Variants in COL27A1 observed in about 807,000 individuals in gnomAD.
The protein encoded by COL27A1 is collagen type XXVII alpha 1 chain, also known as collagen alpha-1(XXVII) chain.
Under a neutral mutation model 251.3 loss-of-function variants are expected in COL27A1, and 106 were observed. The ratio of observed to expected loss-of-function variants is 0.42; its 90% confidence interval spans 0.36 to 0.50. The LOEUF is 0.50. Ranked by LOEUF, COL27A1 falls within the 20% of genes least tolerant of loss-of-function variation. The pLI is 0.00. For synonymous variants in COL27A1, 1,000 were observed against 986.3 expected (o/e 1.01, Z -0.26); for missense variants, 2,325 against 2,522.8 (o/e 0.92, Z 1.68).
At chr9:114,161,365 T>C (rs905366543) in intron 1 of COL27A1, among the ~76,000 whole-genome samples, 1 of 152,120 alleles carries the variant, frequency 6.6e-6, no homozygotes, top group Non-Finnish European at 1.5e-5. Flanking sequence ...ATTCTCGGGA[T>C]CAACTTAGAT....
intron 6 of COL27A1, among the ~76,000 whole-genome samples, chr9:114,195,521 T>C (rs375815300): frequency 1.2e-4 from 19 of 152,342 alleles, no homozygotes; most frequent in African/African-American, 3.8e-4. Context: ...TGCTCCTGTG[T>C]GGCCTGTTCT....
chr9:114,162,653 C>A, intron 1 of COL27A1, 62 bp from the exon 2 acceptor site: 1 of 1,268,770 alleles, frequency 7.9e-7, no homozygotes, highest in Non-Finnish European at 1.1e-6. Context: ...GCTTCCCCAG[C>A]CGGATCCGGG....
At chr9:114,159,249 G>C (rs1177134915) in intron 1 of COL27A1, among the ~76,000 whole-genome samples, 1 of 152,216 alleles carries the variant, frequency 6.6e-6, no homozygotes, top group Non-Finnish European at 1.5e-5. Context: ...TCTTCTTCCT[G>C]ATTTTCAGAG....
intron 15 of COL27A1, 43 bp downstream of exon 15, chr9:114,231,175 G>A (rs772339674): frequency 2.5e-6 from 4 of 1,583,758 alleles, no homozygotes; most frequent in East Asian, 4.5e-5. Flanking sequence ...TGTCCAAGCT[G>A]GGCACCCCCG....
At chr9:114,248,704 A>T (rs1478537366) in intron 24 of COL27A1, among the ~76,000 whole-genome samples, 1 of 151,804 alleles carries the variant, frequency 6.6e-6, no homozygotes, top group African/African-American at 2.4e-5. Context: ...GGGTCGGGGG[A>T]TGGGGCACTT....
At chr9:114,302,893 T>C (rs146866634) in intron 56 of COL27A1, among the ~76,000 whole-genome samples, 19 of 152,142 alleles carry the variant, frequency 1.2e-4, no homozygotes, top group South Asian at 2.1e-4. Context: ...ACTATTACCA[T>C]CAGGCCCCAA....
chr9:114,154,331 G>A (rs1848009637), upstream of COL27A1, among the ~76,000 whole-genome samples: 1 of 152,236 alleles, frequency 6.6e-6, no homozygotes, highest in African/African-American at 2.4e-5. This position sits in a 1 kb window ranked among gnomAD's most constrained non-coding sequence, Gnocchi z 5.8. Context: ...TTAGGCGCCG[G>A]AGGAAGGACC....
At chr9:114,218,065 C>G (rs10982112) in intron 12 of COL27A1, 223,661 of 344,498 alleles carry the variant, frequency 0.65, 77,942 homozygotes, top group South Asian at 0.81. Context: ...AGTTATCACA[C>G]CACTGCACTT....
intron 25 of COL27A1, among the ~76,000 whole-genome samples, chr9:114,251,432 T>G (rs1398887983): frequency 6.6e-6 from 1 of 152,054 alleles, no homozygotes; most frequent in Admixed American, 6.6e-5. Flanking sequence ...CCTCCCTCGC[T>G]TCCCCCTCCT....
intron 39 of COL27A1, 32 bp from the exon 40 acceptor site, chr9:114,283,677 T>G (rs755149296): frequency 1.2e-5 from 19 of 1,609,998 alleles, no homozygotes; most frequent in Non-Finnish European, 1.5e-5. Flanking sequence ...AGAGCCACAC[T>G]CCATACCAAC....
intron 49 of COL27A1, among the ~76,000 whole-genome samples, chr9:114,294,502 T>G (rs972933383): frequency 3.9e-5 from 6 of 152,162 alleles, no homozygotes; most frequent in Non-Finnish European, 8.8e-5. Flanking sequence ...CAAGACCAAG[T>G]GGAGTTTATC....
chr9:114,198,563 C>A lies in COL27A1; in HGVS notation c.2124+2551C>A, dbSNP rs573637169. ...GAGAGGCACCAATTTAATGGAAATA[C>A]CTTCCATGGGTTTCTAAGCTGCAGG... is the stretch of plus-strand genomic sequence containing the variant. On this transcript the variant is annotated intron_variant, in intron 7 of 60. Transcript: ENST00000356083. 3.9e-5 allele frequency among the ~76,000 whole-genome samples: 6 copies of A among 152,320 alleles called. No individual in the cohort carries two copies. The South Asian group carries it at 1.2e-3, about 32-fold the overall frequency.
chr9:114,207,124 C>T (rs763001342), intron 10 of COL27A1, among the ~76,000 whole-genome samples: 1 of 152,206 alleles, frequency 6.6e-6, no homozygotes, highest in Non-Finnish European at 1.5e-5. Flanking sequence ...CTTGCTGCCT[C>T]TCAAGGAATG....
intron 7 of COL27A1, among the ~76,000 whole-genome samples, chr9:114,204,674 C>T (rs953493472): frequency 1.6e-4 from 25 of 152,118 alleles, no homozygotes; most frequent in African/African-American, 6.0e-4. Context: ...CCCAGCATCC[C>T]GTGTGACGTG....
At chr9:114,161,232 G>C (rs1848477314) in intron 1 of COL27A1, among the ~76,000 whole-genome samples, 1 of 152,104 alleles carries the variant, frequency 6.6e-6, no homozygotes, top group South Asian at 2.1e-4. Context: ...AAGACTTGAA[G>C]AAAACCTTCT....
chr9:114,207,196 C>T (rs1216213342), intron 10 of COL27A1, among the ~76,000 whole-genome samples: 2 of 152,094 alleles, frequency 1.3e-5, no homozygotes, highest in Non-Finnish European at 2.9e-5. Context: ...GCTCCTGAGC[C>T]AAAGCTATTT....
At chr9:114,225,133 A>C (rs1035357705) in intron 14 of COL27A1, among the ~76,000 whole-genome samples, 4 of 152,084 alleles carry the variant, frequency 2.6e-5, no homozygotes, top group African/African-American at 9.7e-5. Context: ...CAGTCTGGCA[A>C]CGCTATTTGC....
chr9:114,301,388 T>C (rs1828618589), intron 53 of COL27A1, 57 bp from the exon 54 acceptor site: 2 of 1,610,612 alleles, frequency 1.2e-6, no homozygotes, highest in Non-Finnish European at 1.7e-6. Context: ...CTCCCAGAGT[T>C]GGGCCATGGC....
intron 28 of COL27A1, among the ~76,000 whole-genome samples, chr9:114,261,424 A>G (rs557857926): frequency 6.6e-6 from 1 of 152,272 alleles, no homozygotes; most frequent in East Asian, 1.9e-4. Flanking sequence ...GGACTGGGGA[A>G]CCTGCGGGAT....
Sources: gnomAD v4.1 joint callset for allele counts (sites outside exome capture counted in the v4.1 genomes callset) on GRCh38, gnomAD v4.1.1 for gene constraint, Gnocchi (gnomAD v3.1) non-coding constraint, MANE v1.5 for transcripts, NCBI Gene and HGNC (gene_info 2026-07-23, HGNC 2026-07-21) for gene names.